RD3: variants seen among roughly 807,000 people sequenced by gnomAD.
The protein encoded by RD3 is RD3 regulator of GUCY2D.
RD3 carries 11 observed loss-of-function variants against 16.9 expected under a neutral mutation model. The ratio of observed to expected loss-of-function variants is 0.65; its 90% CI spans 0.41 to 1.08. The LOEUF is 1.08. RD3 is among the 50% of genes least tolerant of loss of function. The pLI is 0.00. For missense variants in RD3, 274 were observed against 267.4 expected (o/e 1.02, Z -0.17); for synonymous variants, 116 against 114.8 (o/e 1.01, Z -0.07).
At chr1:211,481,072 C>A in intron 2 of RD3, 48 bp downstream of exon 2, 1 of 1,605,170 alleles carries the variant, frequency 6.2e-7, no homozygotes, top group East Asian at 2.3e-5. Context: ...CTGCAGCCAC[C>A]TTTCCTGGAG....
At chr1:211,490,543 G>A (rs887242746) in intron 1 of RD3, among the ~76,000 whole-genome samples, 5 of 152,246 alleles carry the variant, frequency 3.3e-5, no homozygotes, top group Admixed American at 6.5e-5. Context: ...GACGCCAGAC[G>A]CTCAGTCTGG....
intron 1 of RD3, among the ~76,000 whole-genome samples, chr1:211,490,387 T>C (rs1356041155): frequency 6.6e-6 from 1 of 152,262 alleles, no homozygotes; most frequent in East Asian, 1.9e-4. Context: ...GCCCGGGTCC[T>C]CCACCTCTGA....
chr1:211,487,914 A>T (rs1705409370), intron 1 of RD3, among the ~76,000 whole-genome samples: 1 of 152,160 alleles, frequency 6.6e-6, no homozygotes, highest in Non-Finnish European at 1.5e-5. Flanking sequence ...AGGGGGGAAA[A>T]CAAGCAGACA....
intron 2 of RD3, among the ~76,000 whole-genome samples, chr1:211,480,792 A>C (rs902728792): frequency 1.3e-5 from 2 of 152,264 alleles, no homozygotes; most frequent in Non-Finnish European, 2.9e-5. Context: ...ATTGAAGATA[A>C]ACTGACAAGA....
Position 211,478,883 on chromosome 1 carries a change from C to A in RD3, c.*153G>T, listed in dbSNP as rs978971728. Reference sequence around the variant, plus strand: ...AGAGGAAGAGGATGGGGCAGGGAGTCGCTTCATTTTATAGCAGCGTCTTGG... The same window carrying A: ...AGAGGAAGAGGATGGGGCAGGGAGTAGCTTCATTTTATAGCAGCGTCTTGG... On this transcript the variant is annotated 3_prime_UTR_variant, in exon 3 of 3. Transcript: ENST00000680073. The A allele has an allele frequency of 4.4e-6, 3 of 681,448 alleles. No homozygotes were observed. Among genetic ancestry groups the A allele is most frequent in the Non-Finnish European group, 7.2e-6 (3 of 414,694 alleles). 42.2% of individuals were successfully genotyped at this position (681,448 alleles called of 1,614,324 possible). A position where few individuals can be genotyped will look rare whatever the true frequency, so the allele number is the denominator to read the frequency against.
rs1705247568 is a variant in RD3, at chr1:211,481,128, A to G, written c.288T>C (p.Ala96=). ...VKIHPSYCGP[A]ILRFRQLLAE... ...CCCATCCCAGTGCTCACCTGAGGAT[A>G]GCAGGCCCACAATAGGATGGGTGGA... Residue 96 remains alanine, a synonymous_variant, in exon 2 of 3, where the codon GCT becomes GCC. Transcript: ENST00000680073. 6.2e-7 allele frequency: 1 copy of G among 1,614,224 alleles called. No individual in the cohort carries two copies. Among genetic ancestry groups the G allele is most frequent in the East Asian group, 2.2e-5 (1 of 44,890 alleles).
chr1:211,479,039 G>A lies in RD3; in HGVS notation c.585C>T (p.Asp195=). The A allele has an allele frequency of 1.3e-6, 2 of 1,596,944 alleles. No individual in the cohort carries two copies. Among genetic ancestry groups the A allele is most frequent in the Non-Finnish European group, 1.7e-6 (2 of 1,173,720 alleles). ...SMPEFRAPKA[D] Reference sequence around the variant, plus strand: ...CTGGGCAGGGAAGCGGCCGGGGTCAGTCGGCTTTGGGCGCCCGGAATTCGG... The same window carrying A: ...CTGGGCAGGGAAGCGGCCGGGGTCAATCGGCTTTGGGCGCCCGGAATTCGG... Residue 195 remains aspartate, a synonymous_variant, in exon 3 of 3, where the codon GAC becomes GAT. Transcript: ENST00000680073.
At position 211,479,158 on chromosome 1, in the gene RD3, G is replaced by T. The variant is rs1184666456; in HGVS notation, c.466C>A (p.Arg156Ser). 4 of 1,612,742 alleles carry T rather than the reference G, an allele frequency of 2.5e-6. No individual in the cohort carries two copies. The highest frequency in any genetic ancestry group is 1.6e-4 in the Middle Eastern group (1 of 6,078). Reference sequence around the variant, plus strand: ...CTGGCGAAGGGCGAGATGCGCGCGCGGGTCTTGAAGGTGGCCAGGCTGCCG... The same window carrying T: ...CTGGCGAAGGGCGAGATGCGCGCGCTGGTCTTGAAGGTGGCCAGGCTGCCG... ...PRGSLATFKT[R>S]ARISPFASDI... The change falls in exon 3 of 3, where the codon CGC becomes AGC. Residue 156 changes from arginine (R) to serine (S), a missense_variant. Physicochemically the swap from Arg to Ser is moderately radical, Grantham distance 110. Transcript: ENST00000680073.
At position 211,476,764 on chromosome 1, in the gene RD3, A is replaced by G. The variant is rs1254689401; in HGVS notation, c.*2272T>C. On this transcript the variant is annotated 3_prime_UTR_variant, in exon 3 of 3. Transcript: ENST00000680073. ...CATTGGCAGCCAGTTACTTAAACTT[A>G]AGAAAGAACACCACATTGAAAGCCT... 1.3e-5 allele frequency: 2 copies of G among 152,200 alleles called. No individual in the cohort carries two copies. The highest frequency in any genetic ancestry group is 2.9e-5 in the Non-Finnish European group (2 of 68,064). 9.4% of individuals were successfully genotyped at this position (152,200 alleles called of 1,614,324 possible).
intron 1 of RD3, among the ~76,000 whole-genome samples, chr1:211,482,627 G>C (rs1705298582): frequency 6.6e-6 from 1 of 151,834 alleles, no homozygotes; most frequent in Admixed American, 6.6e-5. Context: ...TCATCATGGA[G>C]CCCCCACACA....
Position 211,479,133 on chromosome 1 carries a change from CT to C in RD3, c.490del (p.Ser164AlafsTer49). On this transcript the variant is annotated frameshift_variant, in exon 3 of 3. Transcript: ENST00000680073. LOFTEE classifies it high-confidence loss of function. ...GTCCTCGGAGATGGTCCTGATGTCG[CT>C]GGCGAAGGGCGAGATGCGCGCGCGG... ...KTRARISPFASDIRTISEDVE... is the reference protein window; with the variant it reads ...KTRARISPFAXDIRTISEDVE... 6.2e-7 allele frequency: 1 copy of C among 1,612,806 alleles called. No homozygotes were observed. Among genetic ancestry groups the C allele is most frequent in the African/African-American group, 1.3e-5 (1 of 75,054 alleles).
At position 211,478,836 on chromosome 1, in the gene RD3, G is replaced by A; in HGVS notation, c.*200C>T. ...GAGGGAGAGGGCGGTGCCGCTCTAC[G>A]ACCTAACTCAGCTTTGTGGCCAGAG... On this transcript the variant is annotated 3_prime_UTR_variant, in exon 3 of 3. Transcript: ENST00000680073. The A allele has an allele frequency of 1.7e-6, 1 of 592,274 alleles. No homozygotes were observed. Among genetic ancestry groups the A allele is most frequent in the Non-Finnish European group, 3.0e-6 (1 of 338,292 alleles). The allele number at this position is 592,274 out of a possible 1,614,324, so 36.7% of individuals were successfully genotyped here.
Position 211,478,506 on chromosome 1 carries a change from T to C in RD3, c.*530A>G, listed in dbSNP as rs1258841034. The stretch of plus-strand genomic sequence containing the variant: ...TAGCTGAAGAGAGTGGATCTAAATG[T>C]CTCTCTGGTCCCTTCCAGCTGTGCC... On this transcript the variant is annotated 3_prime_UTR_variant, in exon 3 of 3. Coordinates refer to ENST00000680073, the MANE Select transcript of RD3 (RefSeq NM_001164688.2). 4.0e-6 allele frequency: 1 copy of C among 251,918 alleles called. No individual in the cohort carries two copies. 15.6% of individuals were successfully genotyped at this position (251,918 alleles called of 1,614,324 possible).
At position 211,477,744 on chromosome 1, in the gene RD3, T is replaced by C. The variant is rs1379191210; in HGVS notation, c.*1292A>G. 1.5e-5 allele frequency: 3 copies of C among 204,122 alleles called. No individual in the cohort carries two copies. The highest frequency in any genetic ancestry group is 2.9e-5 in the Non-Finnish European group (3 of 103,104). The allele number at this position is 204,122 out of a possible 1,614,324, so 12.6% of individuals were successfully genotyped here. On this transcript the variant is annotated 3_prime_UTR_variant, in exon 3 of 3. Transcript: ENST00000680073. Reference sequence around the variant, plus strand: ...GGGAATACACACTTTTCCCCCCTGTTGATTATATCTCCTCCGGGTATTTTA... The same window carrying C: ...GGGAATACACACTTTTCCCCCCTGTCGATTATATCTCCTCCGGGTATTTTA...
At chr1:211,479,351 G>C in intron 2 of RD3, 24 bp from the exon 3 acceptor site, 1 of 1,590,124 alleles carries the variant, frequency 6.3e-7, no homozygotes, top group Non-Finnish European at 8.5e-7. Flanking sequence ...GAGGGCGCTG[G>C]GGACATTCAC....
At position 211,492,002 on chromosome 1, in the gene RD3, G is replaced by A. The variant is rs965602916; in HGVS notation, c.-246C>T. 3 of 152,460 alleles carry A rather than the reference G, an allele frequency of 2.0e-5. No individual in the cohort carries two copies. The highest frequency in any genetic ancestry group is 7.2e-5 in the African/African-American group (3 of 41,384). The allele number at this position is 152,460 out of a possible 1,614,324, so 9.4% of individuals were successfully genotyped here. A position where few individuals can be genotyped will look rare whatever the true frequency, so the allele number is the denominator to read the frequency against. On this transcript the variant is annotated 5_prime_UTR_variant, in exon 1 of 3. Coordinates refer to ENST00000680073, the MANE Select transcript of RD3 (RefSeq NM_001164688.2). ...TCTGAGAAGTTTTACCAAGAGAAGA[G>A]ACAGGAGGAGAGATCCAGCCTGGAC...
intron 1 of RD3, among the ~76,000 whole-genome samples, chr1:211,483,915 A>G (rs939400824): frequency 6.6e-6 from 1 of 152,198 alleles, no homozygotes; most frequent in African/African-American, 2.4e-5. Context: ...ATGCGGAGTC[A>G]CTGTTCCTGC....
Position 211,481,266 on chromosome 1 carries a change from C to T in RD3, c.150G>A (p.Ala50=), listed in dbSNP as rs751609154. 21 of 1,614,112 alleles carry T rather than the reference C, an allele frequency of 1.3e-5. No individual in the cohort carries two copies. Among genetic ancestry groups the T allele is most frequent in the South Asian group, 6.6e-5 (6 of 91,086 alleles). ...AERQQRERSN[A]VRKVCTGVDY... ...CCACACCGGTGCAGACCTTTCTGAC[C>T]GCATTGCTGCGCTCCCGCTGCTGCC... Residue 50 remains alanine (A), a synonymous_variant, in exon 2 of 3, where the codon GCG becomes GCA. Coordinates refer to ENST00000680073, the MANE Select transcript of RD3 (RefSeq NM_001164688.2).
At chr1:211,484,835 CA>C (rs1217733052) in intron 1 of RD3, among the ~76,000 whole-genome samples, 3 of 152,206 alleles carry the variant, frequency 2.0e-5, no homozygotes, top group Non-Finnish European at 4.4e-5. Context: ...CTTTCACCTC[CA>C]AGGCCCAGCC....
Sources: allele counts gnomAD v4.1 joint callset (sites outside exome capture counted in the v4.1 genomes callset), GRCh38; gene constraint gnomAD v4.1.1; transcripts MANE v1.5; gene names NCBI Gene and HGNC (gene_info 2026-07-23, HGNC 2026-07-21).